KAT2B: variants seen among roughly 807,000 people sequenced by gnomAD.
KAT2B encodes the protein lysine acetyltransferase 2B.
A neutral mutation model predicts 105.9 loss-of-function variants in KAT2B; 36 were observed. The ratio of observed to expected loss-of-function variants is 0.34; its 90% confidence interval spans 0.26 to 0.45. The LOEUF is 0.45. Ranked by LOEUF, KAT2B falls within the 20% of genes least tolerant of loss-of-function variation. The pLI, the probability that KAT2B is intolerant of heterozygous loss-of-function variation, is 1.00. For missense variants in KAT2B, 820 were observed against 1,021.6 expected (o/e 0.80, Z 2.69); for synonymous variants, 397 against 377.9 (o/e 1.05, Z -0.59).
chr3:20,114,394 C>A (rs530474193), intron 6 of KAT2B, among the ~76,000 whole-genome samples: 129 of 152,242 alleles, frequency 8.5e-4, no homozygotes, highest in African/African-American at 3.1e-3. Context: ...TACAACACTG[C>A]CTATCATGTA....
rs527542613 is a variant in KAT2B at position 20,121,200 on chromosome 3, AT to A, written c.1277-1467del. ...CTCGACAAAAGTGATTTAGTAAATA[AT>A]ATGTAATACTTCTGGAAGAATCGTC... is the stretch of plus-strand genomic sequence containing the variant. On this transcript the variant is annotated intron_variant, in intron 8 of 17. Coordinates refer to ENST00000263754, the MANE Select transcript of KAT2B (RefSeq NM_003884.5). 2.0e-4 allele frequency among the ~76,000 whole-genome samples: 31 copies of A among 152,336 alleles called. No homozygotes were observed. In the South Asian group the frequency reaches 6.2e-3, roughly 31 times the overall value.
chr3:20,112,878 T>A (rs1699145640), intron 6 of KAT2B, among the ~76,000 whole-genome samples: 2 of 152,206 alleles, frequency 1.3e-5, no homozygotes, highest in South Asian at 4.1e-4. Flanking sequence ...TAACAATAAG[T>A]TAGGTTCAAA....
intron 1 of KAT2B, among the ~76,000 whole-genome samples, chr3:20,059,439 C>G (rs1458921982): frequency 1.5e-5 from 2 of 137,344 alleles, no homozygotes; most frequent in Non-Finnish European, 3.1e-5. Flanking sequence ...AAAAAAAGGC[C>G]AGGCGTGGTG....
Position 20,126,132 on chromosome 3 carries a change from T to C in KAT2B, c.1622+19T>C. The C allele has an allele frequency of 1.9e-6, 3 of 1,552,334 alleles. No homozygotes were observed. The highest frequency in any genetic ancestry group is 2.6e-6 in the Non-Finnish European group (3 of 1,142,380). ...TTGACCCGTAAGTGGTACTTTCTGT[T>C]CCTTCTTCCTTATTTCCTTTTTAAA... On this transcript the variant is annotated intron_variant, in intron 10 of 17. Coordinates refer to ENST00000263754, the MANE Select transcript of KAT2B (RefSeq NM_003884.5).
rs377361718 is a variant in KAT2B at position 20,139,197 on chromosome 3, G to A, written c.1861-1024G>A. 5.2e-4 allele frequency among the ~76,000 whole-genome samples: 78 copies of A among 150,526 alleles called. 1 individual carries two copies. In the South Asian group the frequency reaches 0.016, roughly 31 times the overall value. ...CCCAAAGTGCTGAGATTATAGGCAT[G>A]AGCCACTGCACCCAGCCAGACTTCT... On this transcript the variant is annotated intron_variant, in intron 12 of 17. Coordinates refer to ENST00000263754, the MANE Select transcript of KAT2B (RefSeq NM_003884.5).
In KAT2B at chr3:20,040,748, C is replaced by T. The variant is rs779197480; in HGVS notation, c.271C>T (p.Leu91=). ...QLRSAPRAKK[L]EKLGVYSACK... is the part of the protein sequence containing the mutation. Reference sequence around the variant, plus strand: ...ACGCTCCGCTCCGCGGGCCAAGAAACTGGAGAAACTCGGAGTGTACTCCGC... The same window carrying T: ...ACGCTCCGCTCCGCGGGCCAAGAAATTGGAGAAACTCGGAGTGTACTCCGC... The change falls in exon 1 of 18, where the codon CTG becomes TTG. Residue 91 remains leucine (L), a synonymous_variant. Transcript: ENST00000263754. The T allele has an allele frequency of 6.3e-7, 1 of 1,594,474 alleles. No homozygotes were observed. The highest frequency in any genetic ancestry group is 8.5e-7 in the Non-Finnish European group (1 of 1,173,070).
Position 20,099,805 on chromosome 3 carries a change from G to C in KAT2B, c.577-57G>C, listed in dbSNP as rs867437520. On this transcript the variant is annotated intron_variant, in intron 3 of 17. Coordinates refer to ENST00000263754, the MANE Select transcript of KAT2B (RefSeq NM_003884.5). The stretch of plus-strand genomic sequence containing the variant: ...ACAGAAACAGAAGAGAGAGGAGAGA[G>C]AGATAGACATACCAATTAAGTTTTT... 22 of 840,838 alleles carry C rather than the reference G, an allele frequency of 2.6e-5. No individual in the cohort carries two copies. The Middle Eastern group carries it at 9.6e-4, about 37-fold the overall frequency. 52.1% of individuals were successfully genotyped at this position (840,838 alleles called of 1,614,324 possible). A position where few individuals can be genotyped will look rare whatever the true frequency, so the allele number is the denominator to read the frequency against.
chr3:20,132,560 A>G (rs2125184952), intron 11 of KAT2B, among the ~76,000 whole-genome samples: 1 of 152,340 alleles, frequency 6.6e-6, no homozygotes, highest in Non-Finnish European at 1.5e-5. Context: ...TAAAATCTAA[A>G]TAAACATTTG....
intron 2 of KAT2B, among the ~76,000 whole-genome samples, chr3:20,092,911 A>T (rs558723548): frequency 6.6e-6 from 1 of 152,090 alleles, no homozygotes; most frequent in South Asian, 2.1e-4. Context: ...CATATTGGAC[A>T]GGCTGGTCTC....
At chr3:20,108,986 A>G (rs1023848531) in intron 5 of KAT2B, among the ~76,000 whole-genome samples, 20 of 152,136 alleles carry the variant, frequency 1.3e-4, no homozygotes, top group Admixed American at 2.6e-4. Flanking sequence ...CCTGGTGCCA[A>G]AAAAGTTGGG....
intron 1 of KAT2B, among the ~76,000 whole-genome samples, chr3:20,064,868 C>T (rs1422326690): frequency 1.3e-5 from 2 of 152,176 alleles, no homozygotes; most frequent in Non-Finnish European, 2.9e-5. Flanking sequence ...ATGCGACTTT[C>T]CAATATTTTA....
rs1698907818 is a variant in KAT2B, at chr3:20,101,412, A to G, written c.795A>G (p.Gln265=). ...ATTGGCATCTGGAGGCACCATCTCA[A>G]CGAAGACTGCGATCTCCCAATGATG... ...INYWHLEAPS[Q]RRLRSPNDDI... The change falls in exon 5 of 18, where the codon CAA becomes CAG. Residue 265 remains glutamine (Q), a synonymous_variant. Transcript: ENST00000263754. 4 of 1,614,148 alleles carry G rather than the reference A, an allele frequency of 2.5e-6. No individual in the cohort carries two copies. Among genetic ancestry groups the G allele is most frequent in the East Asian group, 4.5e-5 (2 of 44,876 alleles).
intron 3 of KAT2B, among the ~76,000 whole-genome samples, chr3:20,097,206 C>T (rs915036143): frequency 2.0e-5 from 3 of 152,176 alleles, no homozygotes; most frequent in African/African-American, 4.8e-5. Flanking sequence ...TGGAACTGTG[C>T]TCCCTGGCAG....
intron 2 of KAT2B, among the ~76,000 whole-genome samples, chr3:20,081,718 A>G (rs1388723519): frequency 6.6e-6 from 1 of 152,038 alleles, no homozygotes; most frequent in Non-Finnish European, 1.5e-5. Context: ...TTCTTTAATG[A>G]TCAAATTCAG....
At chr3:20,142,877 C>A (rs3804565) in intron 13 of KAT2B, among the ~76,000 whole-genome samples, 31,402 of 149,784 alleles carry the variant, frequency 0.21, 6,619 homozygotes, top group East Asian at 0.55. Flanking sequence ...AATTGGGTAT[C>A]TATGTGCCTG....
intron 1 of KAT2B, among the ~76,000 whole-genome samples, chr3:20,048,987 G>T (rs1020292637): frequency 6.7e-6 from 1 of 148,420 alleles, no homozygotes; most frequent in African/African-American, 2.4e-5. Flanking sequence ...TCAGCCTTCC[G>T]AGTAGTTGAG....
Position 20,110,867 on chromosome 3 carries a change from C to T in KAT2B, c.852-729C>T, listed in dbSNP as rs115988847. ...TCTGGTCTGGGTCCTCCTCCAGCGTCGTGCAGTGATGCTGAGGTGCATTTT... is the reference window on the plus strand; with the variant it reads ...TCTGGTCTGGGTCCTCCTCCAGCGTTGTGCAGTGATGCTGAGGTGCATTTT... On this transcript the variant is annotated intron_variant, in intron 5 of 17. Coordinates refer to ENST00000263754, the MANE Select transcript of KAT2B (RefSeq NM_003884.5). 5.4e-3 allele frequency among the ~76,000 whole-genome samples: 819 copies of T among 152,136 alleles called. 10 individuals are homozygous for T. Among genetic ancestry groups the T allele is most frequent in the African/African-American group, 0.019 (779 of 41,484 alleles).
At chr3:20,083,629 A>G (rs1178796085) in intron 2 of KAT2B, among the ~76,000 whole-genome samples, 1 of 152,200 alleles carries the variant, frequency 6.6e-6, no homozygotes, top group Non-Finnish European at 1.5e-5. Context: ...TATTTTAGGA[A>G]GACTACCCTG....
Position 20,045,316 on chromosome 3 carries a change from CCTATTTAT to C in KAT2B, c.303+4537_303+4544del, listed in dbSNP as rs1697790237. Among the ~76,000 whole-genome samples, 9 of 132,670 alleles carry C rather than the reference CCTATTTAT, an allele frequency of 6.8e-5. No homozygotes were observed. The Admixed American group carries it at 7.5e-4, about 11-fold the overall frequency. 87.0% of individuals were successfully genotyped at this position (132,670 alleles called of 152,430 possible). A position where few individuals can be genotyped will look rare whatever the true frequency, so the allele number is the denominator to read the frequency against. On this transcript the variant is annotated intron_variant, in intron 1 of 17. Transcript: ENST00000263754. ...TACAGGTGTGAGCCACTGCACCTGG[CCTATTTAT>C]TTATTTATTTATTTATTTATTTATT...
Sources: allele counts gnomAD v4.1 joint callset (sites outside exome capture counted in the v4.1 genomes callset), GRCh38; gene constraint gnomAD v4.1.1; transcripts MANE v1.5; gene names NCBI Gene and HGNC (gene_info 2026-07-23, HGNC 2026-07-21).